Variants in VWA3A observed in about 807,000 individuals in gnomAD.
VWA3A encodes von Willebrand factor A domain-containing protein 3A.
In VWA3A, 134 loss-of-function variants were observed where a neutral mutation model predicts 160.4. That is an observed-to-expected ratio of 0.84 (90% CI 0.73 to 0.96). VWA3A has a LOEUF of 0.96. VWA3A is among the 40% of genes least tolerant of loss of function. The probability of loss-of-function intolerance (pLI) is 0.00; values close to 1 mark genes in which losing one functional copy is unlikely to be tolerated. For synonymous variants in VWA3A, 476 were observed against 543.4 expected, an observed-to-expected ratio of 0.88 and a Z score of 1.72; for missense variants, 1,310 against 1,447.9, an observed-to-expected ratio of 0.90 and a Z score of 1.55.
Position 22,131,709 on chromosome 16 carries a change from G to A in VWA3A, c.1852G>A (p.Gly618Ser), listed in dbSNP as rs967938578. The A allele has an allele frequency of 6.2e-7, 1 of 1,613,774 alleles. No homozygotes were observed. The highest frequency in any genetic ancestry group is 8.5e-7 in the Non-Finnish European group (1 of 1,179,758). ...QSQGIYLFTG[G>S]IPDQDMPTLS... ...GCAGGGAATCTACCTCTTCACTGGG[G>A]GCATCCCCGACCAGGACATGGTGGG... The change falls in exon 19 of 34, where the codon GGC (glycine) becomes AGC (serine). Residue 618 changes from glycine (G) to serine (S), a missense_variant. Gly to Ser is a moderately conservative substitution (Grantham distance 56). Coordinates refer to ENST00000389398, the MANE Select transcript of VWA3A (RefSeq NM_173615.5).
chr16:22,154,551 A>G (rs1458677192), intron 31 of VWA3A, among the ~76,000 whole-genome samples: 1 of 148,534 alleles, frequency 6.7e-6, no homozygotes, highest in Admixed American at 6.7e-5. Flanking sequence ...CTGGTCTCAA[A>G]CTCCTGACTT....
rs2045522676 is a variant in VWA3A at position 22,109,362 on chromosome 16, T to C, written c.484-120T>C. ...TTTCCCTTATAAAATGAGGTTTCCATCTGCTGCTGCTTGTTAGGGGTGAGG... is the reference window on the plus strand; with the variant it reads ...TTTCCCTTATAAAATGAGGTTTCCACCTGCTGCTGCTTGTTAGGGGTGAGG... On this transcript the variant is annotated intron_variant, in intron 6 of 33. Transcript: ENST00000389398. 3.8e-6 allele frequency: 3 copies of C among 793,814 alleles called. No homozygotes were observed. The South Asian group carries it at 4.7e-5, about 12-fold the overall frequency. The allele number at this position is 793,814 out of a possible 1,614,324, so 49.2% of individuals were successfully genotyped here. A position where few individuals can be genotyped will look rare whatever the true frequency, so the allele number is the denominator to read the frequency against.
At chr16:22,130,053 C>T (rs762924123) in intron 17 of VWA3A, among the ~76,000 whole-genome samples, 8 of 151,982 alleles carry the variant, frequency 5.3e-5, no homozygotes, top group Non-Finnish European at 8.8e-5. Context: ...TGGGTCTCAG[C>T]GGTGCAGGCC....
intron 12 of VWA3A, 84 bp downstream of exon 12, chr16:22,119,111 G>C: frequency 6.8e-7 from 1 of 1,473,298 alleles, no homozygotes; most frequent in Non-Finnish European, 9.0e-7. Flanking sequence ...TGTTCATAGG[G>C]GGCACAGCTG....
intron 23 of VWA3A, chr16:22,141,160 C>T (rs1598097742): frequency 2.2e-6 from 1 of 458,126 alleles, no homozygotes; most frequent in African/African-American, 2.0e-5. Flanking sequence ...AAGTACTCAG[C>T]TCGTAGAACC....
chr16:22,113,701 T>G (rs1029564643), intron 8 of VWA3A, among the ~76,000 whole-genome samples: 1 of 152,038 alleles, frequency 6.6e-6, no homozygotes, highest in Middle Eastern at 3.4e-3. Context: ...TGAGCTCAAA[T>G]GATCCTCCAG....
rs779522517 is a variant in VWA3A, at chr16:22,142,746, C to A, written c.2573C>A (p.Thr858Lys). 11 of 1,570,886 alleles carry A rather than the reference C, an allele frequency of 7.0e-6. No individual in the cohort carries two copies. The highest frequency in any genetic ancestry group is 9.5e-6 in the Non-Finnish European group (11 of 1,157,196). The change falls in exon 25 of 34, where the codon ACA becomes AAA. Residue 858 changes from threonine to lysine, a missense_variant. Transcript: ENST00000389398. Reference protein sequence around the residue: ...SSSIDLPRKDTVCSSQEWVAK... With the variant: ...SSSIDLPRKDKVCSSQEWVAK... ...TCTATTGACTTACCCAGAAAGGATA[C>A]AGTTTGCTCAAGCCAAGAGGTATTA...
chr16:22,110,181 A>T (rs1462169143), intron 7 of VWA3A, among the ~76,000 whole-genome samples: 1 of 152,172 alleles, frequency 6.6e-6, no homozygotes, highest in Admixed American at 6.5e-5. Flanking sequence ...CTAAGTGGCT[A>T]CCTAGGGTTG....
chr16:22,119,162 C>A (rs2045693245), intron 12 of VWA3A, 135 bp downstream of exon 12: 2 of 1,277,260 alleles, frequency 1.6e-6, no homozygotes, highest in Non-Finnish European at 2.1e-6. Context: ...AAGGCAAGGC[C>A]CACCCTCCAT....
intron 24 of VWA3A, among the ~76,000 whole-genome samples, chr16:22,142,118 A>G (rs1019501218): frequency 1.3e-5 from 2 of 151,940 alleles, no homozygotes; most frequent in Non-Finnish European, 2.9e-5. Context: ...CTCCCTTTCT[A>G]CCTCTCAGCA....
In VWA3A at chr16:22,119,002, A is replaced by G. The variant is rs1219466250; in HGVS notation, c.1091A>G (p.Glu364Gly). The change falls in exon 12 of 34, where the codon GAG becomes GGG. Residue 364 changes from glutamate (E) to glycine (G), a missense_variant. Coordinates refer to ENST00000389398, the MANE Select transcript of VWA3A (RefSeq NM_173615.5). ...VQALQHSSPC[E>G]ALTCTMEEIS... ...GCCCTGCAGCACAGCAGCCCCTGTG[A>G]GGCGCTCACCTGCACCATGGAGGAG... The G allele has an allele frequency of 1.2e-6, 2 of 1,613,246 alleles. No individual in the cohort carries two copies. The highest frequency in any genetic ancestry group is 2.2e-5 in the South Asian group (2 of 90,978).
In VWA3A at chr16:22,133,057, G is replaced by A. The variant is rs200086497; in HGVS notation, c.2030G>A (p.Arg677Gln). 3.2e-5 allele frequency: 52 copies of A among 1,613,698 alleles called. No individual in the cohort carries two copies. In the East Asian group the frequency reaches 4.9e-4, roughly 15 times the overall value. Residue 677 changes from arginine to glutamine, a missense_variant, in exon 20 of 34, where the codon CGG (arginine) becomes CAG (glutamine). Physicochemically the swap from Arg to Gln is conservative, Grantham distance 43. Transcript: ENST00000389398. ...DTAAAYKEVT[R>Q]AAGGRFHWFG... ...GCCGCCGCCTACAAGGAGGTCACCC[G>A]GGCTGCAGGTGGCCGCTTCCACTGG...
chr16:22,131,811 C>T lies in VWA3A; in HGVS notation c.1872+82C>T, dbSNP rs1211687925. 6.0e-6 allele frequency: 9 copies of T among 1,501,520 alleles called. No individual in the cohort carries two copies. The Admixed American group carries it at 2.1e-4, about 34-fold the overall frequency. 93.0% of individuals were successfully genotyped at this position (1,501,520 alleles called of 1,614,324 possible). On this transcript the variant is annotated intron_variant, in intron 19 of 33. Coordinates refer to ENST00000389398, the MANE Select transcript of VWA3A (RefSeq NM_173615.5). ...CCAGGTGGATACCTTGCCAAGGTTT[C>T]TGCAGCATGATTTCTAAACCAGTGC...
At chr16:22,150,981 C>A in intron 30 of VWA3A, 135 bp downstream of exon 30, 1 of 1,151,860 alleles carries the variant, frequency 8.7e-7, no homozygotes, top group Non-Finnish European at 1.2e-6. Flanking sequence ...TCCTGTAAAT[C>A]AGAAATTAGG....
intron 28 of VWA3A, 146 bp downstream of exon 28, chr16:22,148,452 G>A (rs561060934): frequency 5.0e-6 from 6 of 1,191,090 alleles, no homozygotes; most frequent in South Asian, 1.7e-5. Context: ...AAAGAGCACT[G>A]TATTCTGCTC....
At chr16:22,155,041 C>T (rs1462990877) in intron 31 of VWA3A, among the ~76,000 whole-genome samples, 1 of 142,146 alleles carries the variant, frequency 7.0e-6, no homozygotes, top group Non-Finnish European at 1.5e-5. Flanking sequence ...GTGGTCCTAG[C>T]TACTTGGGAG....
chr16:22,107,774 C>T (rs1331794141), intron 6 of VWA3A, among the ~76,000 whole-genome samples: 2 of 152,082 alleles, frequency 1.3e-5, no homozygotes, highest in Non-Finnish European at 1.5e-5. Context: ...GGACCTGAGA[C>T]TCTGCATTTC....
chr16:22,110,834 C>A, intron 7 of VWA3A, 54 bp from the exon 8 acceptor site: 1 of 1,526,448 alleles, frequency 6.6e-7, no homozygotes, highest in Non-Finnish European at 8.9e-7. Context: ...GAGGCAAAGC[C>A]AGGCTCCCGA....
chr16:22,147,540 T>C (rs769871161), intron 27 of VWA3A: 6 of 702,396 alleles, frequency 8.5e-6, no homozygotes, highest in Middle Eastern at 4.7e-4. Flanking sequence ...GCTTTGTACG[T>C]GCCACTCAGG....
Sources: gnomAD v4.1 joint callset for allele counts (sites outside exome capture counted in the v4.1 genomes callset) on GRCh38, gnomAD v4.1.1 for gene constraint, MANE v1.5 for transcripts, NCBI Gene and HGNC (gene_info 2026-07-23, HGNC 2026-07-21) for gene names.